The following HOMER1 variants were observed in gnomAD, a reference collection of about 807,000 sequenced individuals.
HOMER1 encodes the protein homer scaffold protein 1.
Under a neutral mutation model 48.9 loss-of-function variants are expected in HOMER1, and 3 were observed. The observed-to-expected ratio is 0.06, with a 90% confidence interval of 0.03 to 0.16. The LOEUF (loss-of-function observed/expected upper bound fraction) is 0.16. Among genes scored for constraint, HOMER1 ranks in the 10% least tolerant of loss-of-function variants. The pLI is 1.00. For missense variants in HOMER1, 247 were observed against 411.4 expected (o/e 0.60, Z 3.46); for synonymous variants, 134 against 146.4 (o/e 0.92, Z 0.61).
chr5:79,393,760 AAAC>A (rs1194403961), intron 8 of HOMER1, among the ~76,000 whole-genome samples: 1 of 152,216 alleles, frequency 6.6e-6, no homozygotes, highest in Non-Finnish European at 1.5e-5. Context: ...ATAACACTGG[AAAC>A]AACATAAACT....
chr5:79,508,057 T>G (rs1356413411), intron 1 of HOMER1, among the ~76,000 whole-genome samples: 2 of 152,234 alleles, frequency 1.3e-5, no homozygotes, highest in Non-Finnish European at 2.9e-5. Flanking sequence ...CAGCCAGAGT[T>G]CATTGTTCTG....
chr5:79,495,370 T>C (rs924047711), intron 1 of HOMER1, among the ~76,000 whole-genome samples: 3 of 152,340 alleles, frequency 2.0e-5, no homozygotes, highest in East Asian at 1.9e-4. Context: ...CCAACTCTTA[T>C]TTGTTTGTTA....
chr5:79,437,091 C>T (rs1001223990), intron 5 of HOMER1, among the ~76,000 whole-genome samples: 16 of 152,164 alleles, frequency 1.1e-4, no homozygotes, highest in Middle Eastern at 3.4e-3. Flanking sequence ...AGAGAAAAAT[C>T]GTAGAGAAGA....
chr5:79,468,920 A>G (rs906021283), intron 1 of HOMER1, among the ~76,000 whole-genome samples: 4 of 152,218 alleles, frequency 2.6e-5, no homozygotes, highest in Admixed American at 6.5e-5. Flanking sequence ...GAGCTTAAGC[A>G]GCTATTCATG....
intron 1 of HOMER1, among the ~76,000 whole-genome samples, chr5:79,463,468 C>T (rs6895070): frequency 0.63 from 96,022 of 152,098 alleles, 33,488 homozygotes; most frequent in East Asian, 0.99. Flanking sequence ...TAATAGCATA[C>T]GGAAAAACAA....
intron 4 of HOMER1, among the ~76,000 whole-genome samples, chr5:79,446,305 T>TC (rs1017243080): frequency 6.6e-6 from 1 of 152,090 alleles, no homozygotes; most frequent in Non-Finnish European, 1.5e-5. Context: ...CTATTTCCCC[T>TC]CCCCTGCTTT....
At chr5:79,396,056 G>C (rs1287790947) in intron 8 of HOMER1, among the ~76,000 whole-genome samples, 1 of 151,968 alleles carries the variant, frequency 6.6e-6, no homozygotes, top group Non-Finnish European at 1.5e-5. Flanking sequence ...TAACGCTGAG[G>C]GTGTAAGAAA....
intron 1 of HOMER1, among the ~76,000 whole-genome samples, chr5:79,481,188 T>G (rs1751934429): frequency 6.6e-6 from 1 of 152,186 alleles, no homozygotes; most frequent in Non-Finnish European, 1.5e-5. Flanking sequence ...ACCAGTTATC[T>G]CTCCTCACGA....
chr5:79,458,866 A>G (rs907842804), intron 1 of HOMER1, among the ~76,000 whole-genome samples: 3 of 152,174 alleles, frequency 2.0e-5, no homozygotes, highest in Non-Finnish European at 4.4e-5. Flanking sequence ...CTCTTTCCCC[A>G]TCCTCAACCA....
At chr5:79,427,936 AC>A (rs757397540) in intron 5 of HOMER1, among the ~76,000 whole-genome samples, 15 of 152,088 alleles carry the variant, frequency 9.9e-5, no homozygotes, top group Non-Finnish European at 1.9e-4. Context: ...CAGCAAATGT[AC>A]CCCCATTCCC....
chr5:79,391,937 T>A (rs891928985), intron 8 of HOMER1, among the ~76,000 whole-genome samples: 1 of 152,044 alleles, frequency 6.6e-6, no homozygotes, highest in Non-Finnish European at 1.5e-5. Flanking sequence ...TATGCAACAG[T>A]GGTCCCATAA....
intron 2 of HOMER1, among the ~76,000 whole-genome samples, chr5:79,451,556 C>CATTT (rs1554060417): frequency 1.5e-5 from 1 of 64,630 alleles, no homozygotes; most frequent in African/African-American, 9.2e-5. Context: ...AAATATGACA[C>CATTT]TTTTTTTTTT....
At chr5:79,473,813 T>C (rs975621786) in intron 1 of HOMER1, among the ~76,000 whole-genome samples, 1 of 152,162 alleles carries the variant, frequency 6.6e-6, no homozygotes, top group Non-Finnish European at 1.5e-5. Context: ...ATGGCAATAA[T>C]TTTAAAAACT....
At chr5:79,460,080 C>A (rs1381523355) in intron 1 of HOMER1, among the ~76,000 whole-genome samples, 2 of 152,070 alleles carry the variant, frequency 1.3e-5, no homozygotes, top group Non-Finnish European at 2.9e-5. Flanking sequence ...GTCTTGAAGT[C>A]TTGGCCTCAA....
At chr5:79,482,940 C>A (rs1751986698) in intron 1 of HOMER1, among the ~76,000 whole-genome samples, 1 of 152,058 alleles carries the variant, frequency 6.6e-6, no homozygotes. Context: ...GAGGTTGAGG[C>A]TGCAGTGAGC....
At chr5:79,390,934 C>T (rs1339394303) in intron 8 of HOMER1, among the ~76,000 whole-genome samples, 3 of 151,266 alleles carry the variant, frequency 2.0e-5, no homozygotes. Flanking sequence ...ATACTTAAAG[C>T]AATGATCAGA....
intron 4 of HOMER1, among the ~76,000 whole-genome samples, chr5:79,439,952 G>A (rs563374371): frequency 6.6e-6 from 1 of 152,174 alleles, no homozygotes; most frequent in Admixed American, 6.5e-5. Flanking sequence ...TCAGAATGAG[G>A]AGTCATTTGA....
chr5:79,409,491 G>A (rs1749760136), intron 5 of HOMER1, among the ~76,000 whole-genome samples: 1 of 149,300 alleles, frequency 6.7e-6, no homozygotes, highest in Admixed American at 6.7e-5. Context: ...TCTTGAATAT[G>A]ACACCAAAAA....
chr5:79,498,176 G>A lies in HOMER1; in HGVS notation c.5+14594C>T, dbSNP rs112990102. Among the ~76,000 whole-genome samples, 276 of 152,218 alleles carry A rather than the reference G, an allele frequency of 1.8e-3. 2 individuals are homozygous for A. The highest frequency in any genetic ancestry group is 6.1e-3 in the African/African-American group (252 of 41,534). On this transcript the variant is annotated intron_variant, in intron 1 of 8. Coordinates refer to ENST00000334082, the MANE Select transcript of HOMER1 (RefSeq NM_004272.5). ...TGCACTTTGGGAGGCTGAGGAGGGCGGATCACCTGAGGCCTGGAGTTCGAG... is the reference window on the plus strand; with the variant it reads ...TGCACTTTGGGAGGCTGAGGAGGGCAGATCACCTGAGGCCTGGAGTTCGAG...
Sources: gnomAD v4.1 joint callset for allele counts (sites outside exome capture counted in the v4.1 genomes callset) on GRCh38, gnomAD v4.1.1 for gene constraint, MANE v1.5 for transcripts, NCBI Gene and HGNC (gene_info 2026-07-23, HGNC 2026-07-21) for gene names.